Variants in LNP1 observed in about 807,000 individuals in gnomAD.
LNP1 encodes leukemia NUP98 fusion partner 1.
A neutral mutation model predicts 14.5 loss-of-function variants in LNP1; 12 were observed. The observed-to-expected ratio is 0.83, with a 90% CI of 0.53 to 1.34. The LOEUF (loss-of-function observed/expected upper bound fraction) is 1.34. Ranked by LOEUF, LNP1 falls within the 40% of genes most tolerant of loss-of-function variation. The pLI, the probability that LNP1 is intolerant of heterozygous loss-of-function variation, is 0.00. For missense variants in LNP1, 198 were observed against 210.9 expected, an observed-to-expected ratio of 0.94 and a Z score of 0.38; for synonymous variants, 75 against 71.4, an observed-to-expected ratio of 1.05 and a Z score of -0.26.
intron 2 of LNP1, 44 bp from the exon 3 acceptor site, chr3:100,451,675 C>A: frequency 9.9e-7 from 1 of 1,006,412 alleles, no homozygotes; most frequent in Non-Finnish European, 1.6e-6. Flanking sequence ...GCTAACATTG[C>A]ACAGTCCTTT....
rs562752901 is a variant in LNP1, at chr3:100,435,667, TA to T, written c.156+5783del. Among the ~76,000 whole-genome samples, 50 of 151,122 alleles carry T rather than the reference TA, an allele frequency of 3.3e-4. No individual in the cohort carries two copies. The East Asian group carries it at 9.2e-3, about 28-fold the overall frequency. ...GACAGGCACTTCAAAGGAGGAGGGG[TA>T]GGGGGTAGGAGCTTTATGCTGAACA... On this transcript the variant is annotated intron_variant, in intron 2 of 3. Transcript: ENST00000383693.
At chr3:100,425,940 T>C (rs1295007125) in intron 1 of LNP1, among the ~76,000 whole-genome samples, 2 of 151,934 alleles carry the variant, frequency 1.3e-5, no homozygotes, top group Non-Finnish European at 2.9e-5. Flanking sequence ...CAAAGAAGAG[T>C]CAGACTATCA....
In LNP1 at chr3:100,402,415, G is replaced by A. The variant is rs1182312801; in HGVS notation, c.-58G>A. The A allele has an allele frequency of 1.3e-5, 2 of 152,200 alleles. No homozygotes were observed. Among genetic ancestry groups the A allele is most frequent in the Non-Finnish European group, 2.9e-5 (2 of 68,036 alleles). The allele number at this position is 152,200 out of a possible 1,614,324, so 9.4% of individuals were successfully genotyped here. On this transcript the variant is annotated 5_prime_UTR_variant, in exon 1 of 4. Transcript: ENST00000383693. Reference sequence around the variant, plus strand: ...AATGGCCTAATTGGAAAGAATTTCAGGATCACCGGTTTCTCCTGCTTCATG... The same window carrying A: ...AATGGCCTAATTGGAAAGAATTTCAAGATCACCGGTTTCTCCTGCTTCATG...
chr3:100,413,785 A>G lies in LNP1; in HGVS notation c.-34+11346A>G, dbSNP rs372297270. 2.4e-4 allele frequency among the ~76,000 whole-genome samples: 36 copies of G among 152,334 alleles called. No individual in the cohort carries two copies. In the South Asian group the frequency reaches 2.7e-3, roughly 11 times the overall value. On this transcript the variant is annotated intron_variant, in intron 1 of 3. Coordinates refer to ENST00000383693, the MANE Select transcript of LNP1 (RefSeq NM_001085451.2). Reference sequence around the variant, plus strand: ...AAAGGTGCTTCTTTTTATGATTTGCATGAAAATGCTGGTCCATTACTAAGT... The same window carrying G: ...AAAGGTGCTTCTTTTTATGATTTGCGTGAAAATGCTGGTCCATTACTAAGT...
At chr3:100,436,125 C>G (rs1313497369) in intron 2 of LNP1, among the ~76,000 whole-genome samples, 2 of 152,110 alleles carry the variant, frequency 1.3e-5, no homozygotes, top group Non-Finnish European at 2.9e-5. Flanking sequence ...AAAGAAAAAC[C>G]TTGTGGCGGT....
chr3:100,437,003 T>G (rs1439981680), intron 2 of LNP1, among the ~76,000 whole-genome samples: 2 of 152,178 alleles, frequency 1.3e-5, no homozygotes. Context: ...GGAACTGAAT[T>G]AGCCAGAACC....
intron 1 of LNP1, among the ~76,000 whole-genome samples, chr3:100,410,372 C>T (rs1228545651): frequency 6.6e-6 from 1 of 151,952 alleles, no homozygotes; most frequent in Non-Finnish European, 1.5e-5. Context: ...AAATAAAGAA[C>T]AGACAGTTGG....
At chr3:100,453,462 C>T (rs1344919918) in intron 3 of LNP1, among the ~76,000 whole-genome samples, 3 of 150,634 alleles carry the variant, frequency 2.0e-5, no homozygotes, top group African/African-American at 7.3e-5. Flanking sequence ...TGGTGTCCTG[C>T]ACCTGTATTC....
chr3:100,418,852 GC>G (rs1375487763), intron 1 of LNP1, among the ~76,000 whole-genome samples: 2 of 152,164 alleles, frequency 1.3e-5, no homozygotes, highest in African/African-American at 4.8e-5. Context: ...CTTACCACAG[GC>G]TTTTTGTACT....
intron 2 of LNP1, among the ~76,000 whole-genome samples, chr3:100,439,275 A>G (rs1183266983): frequency 6.6e-6 from 1 of 151,522 alleles, no homozygotes; most frequent in African/African-American, 2.4e-5. Flanking sequence ...TACGAAAAAT[A>G]CTAAAAAAAA....
At chr3:100,431,924 G>A (rs1263470911) in intron 2 of LNP1, among the ~76,000 whole-genome samples, 6 of 145,508 alleles carry the variant, frequency 4.1e-5, no homozygotes, top group African/African-American at 1.5e-4. Context: ...GAGCCCAAGA[G>A]GTCGAGGCTG....
chr3:100,425,531 C>A (rs1707184140), intron 1 of LNP1, among the ~76,000 whole-genome samples: 1 of 152,106 alleles, frequency 6.6e-6, no homozygotes, highest in Non-Finnish European at 1.5e-5. Flanking sequence ...TCATTAATGC[C>A]CTCTTTCTCC....
chr3:100,444,547 A>AAATT (rs1393616104), intron 2 of LNP1, among the ~76,000 whole-genome samples: 2 of 152,242 alleles, frequency 1.3e-5, no homozygotes, highest in Non-Finnish European at 2.9e-5. Context: ...AGGACTAATT[A>AAATT]GGTCAGGAAA....
chr3:100,431,068 A>G (rs1392316278), intron 2 of LNP1, among the ~76,000 whole-genome samples: 1 of 152,230 alleles, frequency 6.6e-6, no homozygotes, highest in Non-Finnish European at 1.5e-5. Flanking sequence ...CACAATGAGC[A>G]AAATATCCAG....
At chr3:100,437,070 GC>G (rs1191380529) in intron 2 of LNP1, among the ~76,000 whole-genome samples, 7 of 152,182 alleles carry the variant, frequency 4.6e-5, no homozygotes, top group Non-Finnish European at 1.0e-4. Flanking sequence ...TGTTGCTTAA[GC>G]TACTCAGCCT....
chr3:100,405,999 A>T (rs1379301703), intron 1 of LNP1, among the ~76,000 whole-genome samples: 1 of 152,216 alleles, frequency 6.6e-6, no homozygotes, highest in Non-Finnish European at 1.5e-5. Flanking sequence ...GAAATTACCT[A>T]TGTGGGCCGG....
At chr3:100,406,246 A>G (rs1706964602) in intron 1 of LNP1, among the ~76,000 whole-genome samples, 2 of 152,134 alleles carry the variant, frequency 1.3e-5, no homozygotes, top group South Asian at 2.1e-4. Flanking sequence ...AGATTACCCT[A>G]TTATACTCCA....
intron 2 of LNP1, among the ~76,000 whole-genome samples, chr3:100,451,501 T>C (rs181604501): frequency 3.9e-5 from 6 of 152,312 alleles, no homozygotes; most frequent in African/African-American, 1.4e-4. Flanking sequence ...GGGGTGACTT[T>C]GAAAGAATGG....
chr3:100,416,594 C>CT (rs368866932), intron 1 of LNP1, among the ~76,000 whole-genome samples: 1 of 80,278 alleles, frequency 1.2e-5, no homozygotes, highest in African/African-American at 6.2e-5. Context: ...TTGAGTATAT[C>CT]TTTTTTGTGT....
Sources: gnomAD v4.1 joint callset for allele counts (sites outside exome capture counted in the v4.1 genomes callset) on GRCh38, gnomAD v4.1.1 for gene constraint, MANE v1.5 for transcripts, NCBI Gene and HGNC (gene_info 2026-07-23, HGNC 2026-07-21) for gene names.